Variants in ADRA1A observed in about 807,000 individuals in gnomAD.
ADRA1A encodes the protein alpha-1A adrenergic receptor.
Under a neutral mutation model 29.6 loss-of-function variants are expected in ADRA1A, and 31 were observed. The ratio of observed to expected loss-of-function variants is 1.05; its 90% CI spans 0.79 to 1.41. ADRA1A has a LOEUF of 1.41. ADRA1A is among the 40% of genes most tolerant of loss of function. The pLI, the probability that ADRA1A is intolerant of heterozygous loss-of-function variation, is 0.00. For missense variants in ADRA1A, 619 were observed against 601.1 expected, an observed-to-expected ratio of 1.03 and a Z score of -0.31; for synonymous variants, 311 against 254.3, an observed-to-expected ratio of 1.22 and a Z score of -2.12.
Position 26,866,802 on chromosome 8 carries a change from A to C in ADRA1A, c.-687+134T>G, listed in dbSNP as rs1359808273. 62 of 833,922 alleles carry C rather than the reference A, an allele frequency of 7.4e-5. No individual in the cohort carries two copies. The highest frequency in any genetic ancestry group is 8.5e-5 in the Non-Finnish European group (59 of 691,144). 51.7% of individuals were successfully genotyped at this position (833,922 alleles called of 1,614,324 possible). ...GATGTAAGGGAATCGGGGGTGGGGT[A>C]GAGGGGCCGGTATAAAACCTGGTGG... On this transcript the variant is annotated intron_variant, in intron 1 of 2. Transcript: ENST00000380573. This position sits in a 1 kb window ranked among gnomAD's most constrained non-coding sequence, Gnocchi z 5.7.
chr8:26,789,456 A>G (rs1164788740), intron 2 of ADRA1A, among the ~76,000 whole-genome samples: 2 of 152,220 alleles, frequency 1.3e-5, no homozygotes, highest in Non-Finnish European at 2.9e-5. Flanking sequence ...TTGGATATCC[A>G]TATGCAGAAG....
Position 26,848,978 on chromosome 8 carries a change from G to A in ADRA1A, c.883+15109C>T, listed in dbSNP as rs1812418042. On this transcript the variant is annotated intron_variant, in intron 2 of 2. Transcript: ENST00000380573. The surrounding 1 kb of genome is among the most constrained non-coding windows in gnomAD (Gnocchi z 4.3). ...TCACACTCTGATATCCCCATGAAAA[G>A]GAGCCTGCACACAGGCAGTGAATTC... Among the ~76,000 whole-genome samples, 2 of 152,166 alleles carry A rather than the reference G, an allele frequency of 1.3e-5. No individual in the cohort carries two copies. The highest frequency in any genetic ancestry group is 6.5e-5 in the Admixed American group (1 of 15,278).
Position 26,775,292 on chromosome 8 carries a change from T to C in ADRA1A, c.884-4626A>G, listed in dbSNP as rs765118341. Among the ~76,000 whole-genome samples, 7 of 152,252 alleles carry C rather than the reference T, an allele frequency of 4.6e-5. No homozygotes were observed. The highest frequency in any genetic ancestry group is 8.8e-5 in the Non-Finnish European group (6 of 68,048). On this transcript the variant is annotated intron_variant, in intron 2 of 2. Transcript: ENST00000380573. This position sits in a 1 kb window ranked among gnomAD's most constrained non-coding sequence, Gnocchi z 4.1. ...TGGCTTGGTTTTCTTTTCTGCGTGA[T>C]GGCTGTAGCCTCATATTATCTCCCA...
chr8:26,777,965 A>AG, intron 2 of ADRA1A, among the ~76,000 whole-genome samples: 1 of 152,342 alleles, frequency 6.6e-6, no homozygotes, highest in East Asian at 1.9e-4. Context: ...GCAAGGAAAG[A>AG]GGTCACTTGG....
rs544494778 is a variant in ADRA1A, at chr8:26,759,823, C to T, written c.1270-3044G>A. 1.6e-4 allele frequency among the ~76,000 whole-genome samples: 25 copies of T among 152,306 alleles called. 2 individuals carry two copies. The South Asian group carries it at 3.9e-3, about 24-fold the overall frequency. On this transcript the variant is annotated intron_variant, in intron 2 of 2. Transcript: ENST00000380582. Reference sequence around the variant, plus strand: ...TCAATAAGCCATTGCTACACTTATTCGAACTTGGTTTTGGATGGCTTTTGG... The same window carrying T: ...TCAATAAGCCATTGCTACACTTATTTGAACTTGGTTTTGGATGGCTTTTGG...
chr8:26,779,489 A>G, intron 2 of ADRA1A: 1 of 665,776 alleles, frequency 1.5e-6, no homozygotes. Flanking sequence ...CTGTAAGAGC[A>G]GATGCTTCTA....
downstream of ADRA1A, among the ~76,000 whole-genome samples, chr8:26,764,170 A>G (rs1285781595): frequency 6.6e-6 from 1 of 152,138 alleles, no homozygotes; most frequent in African/African-American, 2.4e-5. Context: ...TGGGTATGCA[A>G]TGACCCACAG....
intron 2 of ADRA1A, 157 bp downstream of exon 2, chr8:26,863,930 C>A: frequency 1.3e-6 from 1 of 765,320 alleles, no homozygotes; most frequent in East Asian, 2.8e-5. Context: ...AATGAAAATT[C>A]ACTTTTCTAC....
intron 2 of ADRA1A, among the ~76,000 whole-genome samples, chr8:26,846,962 C>T (rs113350398): frequency 1.3e-5 from 2 of 152,138 alleles, no homozygotes; most frequent in African/African-American, 2.4e-5. Context: ...AGGAAACTAT[C>T]GCAAGAACAA....
intron 2 of ADRA1A, among the ~76,000 whole-genome samples, chr8:26,817,069 A>C (rs1234750237): frequency 1.3e-5 from 2 of 152,266 alleles, no homozygotes; most frequent in African/African-American, 2.4e-5. Flanking sequence ...CTGTTATTTA[A>C]GAAGTCTGTG....
At chr8:26,843,371 T>C (rs1324244188) in intron 2 of ADRA1A, among the ~76,000 whole-genome samples, 1 of 152,218 alleles carries the variant, frequency 6.6e-6, no homozygotes, top group East Asian at 1.9e-4. Flanking sequence ...GTCCCCTAGT[T>C]TCCTGCTCAT....
At chr8:26,790,533 T>A (rs549434259) in intron 2 of ADRA1A, among the ~76,000 whole-genome samples, 1 of 152,274 alleles carries the variant, frequency 6.6e-6, no homozygotes, top group Admixed American at 6.5e-5. Flanking sequence ...TAAGTTCTAG[T>A]GTTCTATAGC....
intron 2 of ADRA1A, among the ~76,000 whole-genome samples, chr8:26,863,485 C>T (rs1813630712): frequency 6.6e-6 from 1 of 152,000 alleles, no homozygotes. Context: ...TTATTTAAGG[C>T]TTAAATTGGT....
chr8:26,766,313 C>T (rs1236420944), downstream of ADRA1A, among the ~76,000 whole-genome samples: 2 of 152,214 alleles, frequency 1.3e-5, no homozygotes, highest in Non-Finnish European at 2.9e-5. Flanking sequence ...GTCCTGTCAG[C>T]AACTGCATTT....
intron 2 of ADRA1A, among the ~76,000 whole-genome samples, chr8:26,801,156 C>A (rs1446441145): frequency 6.6e-6 from 1 of 152,042 alleles, no homozygotes; most frequent in African/African-American, 2.4e-5. Flanking sequence ...ATATGACAGA[C>A]CCACAGCTAG....
At chr8:26,752,140 A>C (rs1449756193), downstream of ADRA1A, among the ~76,000 whole-genome samples, 2 of 152,162 alleles carry the variant, frequency 1.3e-5, no homozygotes, top group African/African-American at 4.8e-5. Context: ...ATTCAAACCC[A>C]GGCAGTTTGA....
chr8:26,837,467 A>C (rs1811464793), intron 2 of ADRA1A, among the ~76,000 whole-genome samples: 1 of 152,094 alleles, frequency 6.6e-6, no homozygotes, highest in Non-Finnish European at 1.5e-5. Context: ...CCCAGCCAAC[A>C]CAGTGAAACC....
At chr8:26,783,751 T>TCACAATGTCA (rs1312672687) in intron 2 of ADRA1A, among the ~76,000 whole-genome samples, 161 of 152,364 alleles carry the variant, frequency 1.1e-3, no homozygotes, top group African/African-American at 3.8e-3. Flanking sequence ...GCAGCACTAT[T>TCACAATGTCA]CACAATGTCA....
At position 26,841,488 on chromosome 8, in the gene ADRA1A, C is replaced by A. The variant is rs1275620242; in HGVS notation, c.883+22599G>T. Among the ~76,000 whole-genome samples the A allele has an allele frequency of 6.6e-6, 1 of 152,226 alleles. No homozygotes were observed. The highest frequency in any genetic ancestry group is 2.4e-5 in the African/African-American group (1 of 41,466). On this transcript the variant is annotated intron_variant, in intron 2 of 2. Coordinates refer to ENST00000380573, the MANE Select transcript of ADRA1A (RefSeq NM_000680.4). This position sits in a 1 kb window ranked among gnomAD's most constrained non-coding sequence, Gnocchi z 4.4. ...CTGCAGATTCCCCTCCTTCTGTACTCATTTTTCTTTTCTTGGAAAAAAACA... is the reference window on the plus strand; with the variant it reads ...CTGCAGATTCCCCTCCTTCTGTACTAATTTTTCTTTTCTTGGAAAAAAACA...
Sources: allele counts gnomAD v4.1 joint callset (sites outside exome capture counted in the v4.1 genomes callset), GRCh38; gene constraint gnomAD v4.1.1; non-coding constraint Gnocchi (gnomAD v3.1); transcripts MANE v1.5; gene names NCBI Gene and HGNC (gene_info 2026-07-23, HGNC 2026-07-21).